The following RELN variants were observed in gnomAD, a reference collection of about 807,000 sequenced individuals.
RELN encodes reelin.
Under a neutral mutation model 427.6 loss-of-function variants are expected in RELN, and 108 were observed. The observed-to-expected ratio is 0.25, with a 90% CI of 0.22 to 0.30. RELN has a LOEUF of 0.30. Among genes scored for constraint, RELN ranks in the 10% least tolerant of loss-of-function variants. The probability of loss-of-function intolerance (pLI) is 1.00; values close to 1 mark genes in which losing one functional copy is unlikely to be tolerated. For missense variants in RELN, 3,715 were observed against 4,302.8 expected, an observed-to-expected ratio of 0.86 and a Z score of 3.82; for synonymous variants, 1,524 against 1,513.4, an observed-to-expected ratio of 1.01 and a Z score of -0.16.
At chr7:103,518,487 C>A (rs1260861334) in intron 49 of RELN, among the ~76,000 whole-genome samples, 1 of 126,814 alleles carries the variant, frequency 7.9e-6, no homozygotes, top group Non-Finnish European at 1.5e-5. Flanking sequence ...CACATGCCAC[C>A]ACACCCAGGT....
At chr7:103,773,380 T>C (rs1262303807) in intron 4 of RELN, among the ~76,000 whole-genome samples, 1 of 104,038 alleles carries the variant, frequency 9.6e-6, no homozygotes, top group South Asian at 4.1e-4. Context: ...CCTCCCTCCC[T>C]CCCTCCCTCG....
chr7:103,920,308 A>G (rs549086086), intron 1 of RELN, among the ~76,000 whole-genome samples: 7 of 152,116 alleles, frequency 4.6e-5, no homozygotes, highest in Non-Finnish European at 1.0e-4. Context: ...AATTGGACAA[A>G]TTTTTTATAT....
At chr7:103,831,367 C>T (rs1793269647) in intron 3 of RELN, among the ~76,000 whole-genome samples, 1 of 152,002 alleles carries the variant, frequency 6.6e-6, no homozygotes, top group African/African-American at 2.4e-5. Context: ...TGACATCTTA[C>T]ATATAAGACA....
intron 1 of RELN, among the ~76,000 whole-genome samples, chr7:103,950,171 G>A (rs181869661): frequency 2.3e-3 from 346 of 152,188 alleles, no homozygotes; most frequent in African/African-American, 8.0e-3. Context: ...TTTTATAAGG[G>A]CACTAATCCT....
Position 103,989,358 on chromosome 7 carries a change from C to CCGCCGT in RELN, c.-3_-2insACGGCG. The CCGCCGT allele has an allele frequency of 1.6e-6, 2 of 1,265,226 alleles. No individual in the cohort carries two copies. Among genetic ancestry groups the CCGCCGT allele is most frequent in the Non-Finnish European group, 2.1e-6 (2 of 970,400 alleles). 78.4% of individuals were successfully genotyped at this position (1,265,226 alleles called of 1,614,324 possible). On this transcript the variant is annotated 5_prime_UTR_variant, in exon 1 of 65. Coordinates refer to ENST00000428762, the MANE Select transcript of RELN (RefSeq NM_005045.4). The surrounding 1 kb of genome is among the most constrained non-coding windows in gnomAD (Gnocchi z 4.9). ...CCGGGCCCAGCCACTGCGCTCCATG[C>CCGCCGT]CGCCGCCGCCGCCGCCGCCGCCGCG...
Position 103,498,111 on chromosome 7 carries a change from C to T in RELN, c.8809G>A (p.Ala2937Thr), listed in dbSNP as rs750491016. ...CGAAGATCCAAATCTTGTGTAACCG[C>T]TTGTCTCACAGTGGATCCCCCAAAA... Reference protein sequence around the residue: ...LYFGGSTVRQAVTQDLDLRGA... With the variant: ...LYFGGSTVRQTVTQDLDLRGA... The change falls in exon 54 of 65, where the codon GCG becomes ACG. Residue 2937 changes from alanine (A) to threonine (T), a missense_variant. Transcript: ENST00000428762. 13 of 1,614,042 alleles carry T rather than the reference C, an allele frequency of 8.1e-6. No homozygotes were observed. Among genetic ancestry groups the T allele is most frequent in the Non-Finnish European group, 1.1e-5 (13 of 1,180,030 alleles).
At chr7:103,866,840 C>T (rs535889700) in intron 2 of RELN, among the ~76,000 whole-genome samples, 1 of 151,924 alleles carries the variant, frequency 6.6e-6, no homozygotes, top group Non-Finnish European at 1.5e-5. Context: ...TCCTGTCTGC[C>T]CTCTATCACA....
chr7:103,652,180 A>G (rs989112296), intron 14 of RELN, among the ~76,000 whole-genome samples: 1 of 151,714 alleles, frequency 6.6e-6, no homozygotes, highest in South Asian at 2.1e-4. Context: ...AGCTCTTGAC[A>G]TGCTAATTGA....
chr7:103,747,677 G>T (rs1790880706), intron 6 of RELN, among the ~76,000 whole-genome samples: 1 of 147,590 alleles, frequency 6.8e-6, no homozygotes, highest in African/African-American at 2.5e-5. Context: ...TCTTAAAGAG[G>T]CTAAATGAAG....
intron 8 of RELN, among the ~76,000 whole-genome samples, chr7:103,702,868 T>C (rs1834122783): frequency 6.6e-6 from 1 of 152,230 alleles, no homozygotes; most frequent in African/African-American, 2.4e-5. Context: ...AACGGAATCA[T>C]GTTACCTCTG....
chr7:103,731,378 G>C (rs1790349351), intron 6 of RELN, among the ~76,000 whole-genome samples: 1 of 152,084 alleles, frequency 6.6e-6, no homozygotes, highest in African/African-American at 2.4e-5. Flanking sequence ...GATGTGTCTA[G>C]AAAGTGGCAA....
At chr7:103,664,587 TTA>T (rs899085126) in intron 11 of RELN, among the ~76,000 whole-genome samples, 8 of 152,132 alleles carry the variant, frequency 5.3e-5, no homozygotes, top group African/African-American at 1.9e-4. Context: ...TTGGATAAAT[TTA>T]TGTTTCCACC....
rs755301203 is a variant in RELN, at chr7:103,478,197, T to G, written c.10286+192A>C. Among the ~76,000 whole-genome samples the G allele has an allele frequency of 1.3e-4, 20 of 152,178 alleles. 1 individual carries two copies. Among genetic ancestry groups the G allele is most frequent in the Admixed American group, 3.3e-4 (5 of 15,272 alleles). On this transcript the variant is annotated intron_variant, in intron 64 of 64. Coordinates refer to ENST00000428762, the MANE Select transcript of RELN (RefSeq NM_005045.4). ...TATATATTAGGGACTTATCTCAATT[T>G]GACTGACTCCGAATTTACATGGAAA... is the stretch of plus-strand genomic sequence containing the variant.
At chr7:103,654,332 C>T in intron 12 of RELN, 127 bp from the exon 13 acceptor site, 1 of 670,760 alleles carries the variant, frequency 1.5e-6, no homozygotes, top group South Asian at 1.6e-5. Context: ...TAACCCTAAA[C>T]AAAGGTAAAC....
chr7:103,662,073 T>C (rs909276785), intron 11 of RELN, among the ~76,000 whole-genome samples: 3 of 152,220 alleles, frequency 2.0e-5, no homozygotes, highest in African/African-American at 4.8e-5. Flanking sequence ...CTGGCTTTTA[T>C]TGAGTGCTAA....
chr7:103,774,839 G>A (rs961893980), intron 4 of RELN, among the ~76,000 whole-genome samples: 1 of 152,098 alleles, frequency 6.6e-6, no homozygotes, highest in African/African-American at 2.4e-5. Context: ...CTATTGAAAA[G>A]CTCAGTGTTT....
At chr7:103,797,221 G>A (rs1353589340) in intron 3 of RELN, among the ~76,000 whole-genome samples, 2 of 152,076 alleles carry the variant, frequency 1.3e-5, no homozygotes, top group East Asian at 1.9e-4. Flanking sequence ...TCCTGCCTCA[G>A]CCTCCCGAGT....
chr7:103,555,146 A>C (rs1183998632), intron 38 of RELN, among the ~76,000 whole-genome samples: 1 of 152,150 alleles, frequency 6.6e-6, no homozygotes, highest in African/African-American at 2.4e-5. Context: ...TGTTTAAGGA[A>C]TATGTTAGAG....
At chr7:103,742,839 C>T (rs1241477714) in intron 6 of RELN, among the ~76,000 whole-genome samples, 1 of 152,198 alleles carries the variant, frequency 6.6e-6, no homozygotes, top group African/African-American at 2.4e-5. Flanking sequence ...AAACACTCTG[C>T]AGGATATTAT....
Sources: allele counts gnomAD v4.1 joint callset (sites outside exome capture counted in the v4.1 genomes callset), GRCh38; gene constraint gnomAD v4.1.1; non-coding constraint Gnocchi (gnomAD v3.1); transcripts MANE v1.5; gene names NCBI Gene and HGNC (gene_info 2026-07-23, HGNC 2026-07-21).